NBEA: variants seen among roughly 807,000 people sequenced by gnomAD.
NBEA encodes the protein neurobeachin.
In NBEA, 44 loss-of-function variants were observed where a neutral mutation model predicts 343.4. That is an observed-to-expected ratio of 0.13 (90% confidence interval 0.10 to 0.16). The LOEUF is 0.16. Ranked by LOEUF, NBEA falls within the 10% of genes least tolerant of loss-of-function variation. The pLI is 1.00. For synonymous variants in NBEA, 1,175 were observed against 1,238.7 expected, an observed-to-expected ratio of 0.95 and a Z score of 1.08; for missense variants, 2,555 against 3,631.3, an observed-to-expected ratio of 0.70 and a Z score of 7.62.
chr13:35,185,164 G>C (rs543863190), intron 30 of NBEA: 2 of 152,260 alleles, frequency 1.3e-5, no homozygotes, highest in East Asian at 3.9e-4. Context: ...GGAGGAGCAA[G>C]GACCTGAGAA....
At chr13:35,106,392 A>G (rs1022461004) in intron 11 of NBEA, among the ~76,000 whole-genome samples, 1 of 151,916 alleles carries the variant, frequency 6.6e-6, no homozygotes, top group Admixed American at 6.6e-5. Context: ...GTTTTTTCCT[A>G]CCTATTCTAT....
chr13:35,109,551 A>C, intron 12 of NBEA, 109 bp downstream of exon 12: 3 of 1,068,852 alleles, frequency 2.8e-6, no homozygotes, highest in Non-Finnish European at 3.7e-6. Flanking sequence ...CTTATTTTAT[A>C]GTTAATCTGT....
At chr13:35,372,638 G>A (rs1310269810) in intron 38 of NBEA, among the ~76,000 whole-genome samples, 1 of 152,162 alleles carries the variant, frequency 6.6e-6, no homozygotes, top group East Asian at 1.9e-4. Context: ...GCACCCATAA[G>A]CAGGGAGCTG....
intron 38 of NBEA, among the ~76,000 whole-genome samples, chr13:35,384,201 A>G (rs2042134522): frequency 1.3e-5 from 2 of 152,216 alleles, no homozygotes; most frequent in African/African-American, 2.4e-5. Flanking sequence ...TTCAGATGCT[A>G]ATATTATATC....
At chr13:35,150,295 T>C (rs1341696885) in intron 18 of NBEA, among the ~76,000 whole-genome samples, 1 of 152,224 alleles carries the variant, frequency 6.6e-6, no homozygotes, top group Non-Finnish European at 1.5e-5. Flanking sequence ...TGATAAATGA[T>C]TGGTTATCAT....
intron 29 of NBEA, 36 bp downstream of exon 29, chr13:35,182,564 A>G (rs374211236): frequency 2.6e-5 from 40 of 1,558,422 alleles, no homozygotes; most frequent in Non-Finnish European, 3.3e-5. Flanking sequence ...AATTTTCACC[A>G]TGATGTATCT....
Position 35,552,934 on chromosome 13 carries a change from A to T in NBEA, c.6806+1902A>T, listed in dbSNP as rs943911933. Reference sequence around the variant, plus strand: ...GAGACAAGGTCTCACTCTGTCACCCAGGCTGGAGTGCAGTGGCGTGATCTC... The same window carrying T: ...GAGACAAGGTCTCACTCTGTCACCCTGGCTGGAGTGCAGTGGCGTGATCTC... On this transcript the variant is annotated intron_variant, in intron 43 of 58. Coordinates refer to ENST00000379939, the MANE Select transcript of NBEA (RefSeq NM_001385012.1). Among the ~76,000 whole-genome samples the T allele has an allele frequency of 6.6e-5, 10 of 151,920 alleles. No homozygotes were observed. In the East Asian group the frequency reaches 1.7e-3, roughly 26 times the overall value.
chr13:35,622,664 A>G (rs2083046291), intron 48 of NBEA, among the ~76,000 whole-genome samples: 1 of 152,222 alleles, frequency 6.6e-6, no homozygotes, highest in East Asian at 1.9e-4. Context: ...AGAAGTGACA[A>G]TATGGCTTTC....
At chr13:35,654,144 A>G (rs1467555368) in intron 53 of NBEA, among the ~76,000 whole-genome samples, 6 of 152,212 alleles carry the variant, frequency 3.9e-5, no homozygotes, top group Non-Finnish European at 8.8e-5. Flanking sequence ...TGGCATGCAG[A>G]CAGGCACTGG....
At chr13:35,556,492 A>G (rs963216069) in intron 44 of NBEA, among the ~76,000 whole-genome samples, 37 of 151,900 alleles carry the variant, frequency 2.4e-4, no homozygotes, top group African/African-American at 8.5e-4. Flanking sequence ...GTTTGGTCTT[A>G]TATCATCTTG....
chr13:35,481,002 C>G (rs2076099450), intron 41 of NBEA, among the ~76,000 whole-genome samples: 1 of 151,918 alleles, frequency 6.6e-6, no homozygotes, highest in Non-Finnish European at 1.5e-5. Context: ...ATTGAGGTCA[C>G]TGTTTGCACA....
chr13:35,560,819 A>G (rs370829507), intron 44 of NBEA, among the ~76,000 whole-genome samples: 9 of 152,038 alleles, frequency 5.9e-5, no homozygotes, highest in African/African-American at 2.2e-4. Flanking sequence ...CGAGATGGAC[A>G]TAGCTGAACA....
At chr13:35,224,449 T>C (rs2074543889) in intron 33 of NBEA, among the ~76,000 whole-genome samples, 2 of 152,158 alleles carry the variant, frequency 1.3e-5, no homozygotes, top group Admixed American at 1.3e-4. Flanking sequence ...TTTGAGTGTG[T>C]ATATATTCTT....
intron 38 of NBEA, among the ~76,000 whole-genome samples, chr13:35,429,800 C>CATGTGTGTGT (rs377263036): frequency 7.1e-6 from 1 of 140,200 alleles, no homozygotes; most frequent in South Asian, 2.5e-4. Context: ...GAGTCCCCAA[C>CATGTGTGTGT]GTGTGTGTGT....
intron 1 of NBEA, among the ~76,000 whole-genome samples, chr13:35,015,068 G>T (rs577860066): frequency 1.3e-4 from 18 of 136,578 alleles, no homozygotes; most frequent in African/African-American, 4.6e-4. Flanking sequence ...ACTCTCCAGT[G>T]CTTCAGCATC....
intron 47 of NBEA, among the ~76,000 whole-genome samples, chr13:35,605,106 G>T (rs2082232379): frequency 6.6e-6 from 1 of 152,110 alleles, no homozygotes; most frequent in Non-Finnish European, 1.5e-5. Flanking sequence ...AATATGTAAA[G>T]GATTTTAGAA....
At chr13:34,947,909 C>T (rs1202005876) in intron 1 of NBEA, among the ~76,000 whole-genome samples, 1 of 152,126 alleles carries the variant, frequency 6.6e-6, no homozygotes, top group African/African-American at 2.4e-5. Flanking sequence ...TATTACCTGA[C>T]TGTGTAGGCA....
At chr13:35,650,701 C>G (rs2084475968) in intron 52 of NBEA, among the ~76,000 whole-genome samples, 1 of 152,016 alleles carries the variant, frequency 6.6e-6, no homozygotes, top group African/African-American at 2.4e-5. Flanking sequence ...GACTTTGTCT[C>G]AAAATAAACA....
chr13:35,610,086 A>G (rs12427522), intron 48 of NBEA, among the ~76,000 whole-genome samples: 10,747 of 152,298 alleles, frequency 0.071, 401 homozygotes, highest in South Asian at 0.1. Context: ...ATTGGTCCCC[A>G]CAGTTTTTCC....
Sources: gnomAD v4.1 joint callset for allele counts (sites outside exome capture counted in the v4.1 genomes callset) on GRCh38, gnomAD v4.1.1 for gene constraint, MANE v1.5 for transcripts, NCBI Gene and HGNC (gene_info 2026-07-23, HGNC 2026-07-21) for gene names.